Variants in SP110 observed in about 807,000 individuals in gnomAD.
SP110 encodes the protein SP110 nuclear body protein.
A neutral mutation model predicts 92.7 loss-of-function variants in SP110; 62 were observed. That is an observed-to-expected ratio of 0.67 (90% CI 0.55 to 0.83). The LOEUF (loss-of-function observed/expected upper bound fraction) is 0.83. Ranked by LOEUF, SP110 falls within the 40% of genes least tolerant of loss-of-function variation. The pLI, the probability that SP110 is intolerant of heterozygous loss-of-function variation, is 0.00. For synonymous variants in SP110, 273 were observed against 305.3 expected, an observed-to-expected ratio of 0.89 and a Z score of 1.10; for missense variants, 793 against 863.9, an observed-to-expected ratio of 0.92 and a Z score of 1.03.
chr2:230,200,957 C>T lies in SP110; in HGVS notation c.1057G>A (p.Asp353Asn), dbSNP rs1419057925. The change falls in exon 10 of 19, where the codon GAT becomes AAT. Residue 353 changes from aspartate (D) to asparagine (N), a missense_variant. Asp to Asn is a conservative substitution (Grantham distance 23, BLOSUM62 1). Transcript: ENST00000258381. ...CCTTCATTCATTTCTGAAGTGCCAT[C>T]AATGATCTCTGGAAAATGAAAGATC... is the stretch of plus-strand genomic sequence containing the variant. ...ARKSRSEEII[D>N]GTSEMNEGKR... 1 of 1,612,760 alleles carries T rather than the reference C, an allele frequency of 6.2e-7. No homozygotes were observed. The highest frequency in any genetic ancestry group is 1.1e-5 in the South Asian group (1 of 91,058).
At chr2:230,206,852 C>G (rs533441986) in intron 8 of SP110, among the ~76,000 whole-genome samples, 1 of 152,078 alleles carries the variant, frequency 6.6e-6, no homozygotes, top group Non-Finnish European at 1.5e-5. Context: ...GTTAATTACT[C>G]TGATCTAGAG....
At position 230,170,778 on chromosome 2, in the gene SP110, C is replaced by T; in HGVS notation, c.1888-17G>A. On this transcript the variant is annotated splice_polypyrimidine_tract_variant and intron_variant, in intron 17 of 18. Transcript: ENST00000258381. ...ATCTCGAATCTTGGGGACAAAGCCACCAGAGGTGACGTTAGCACAGCTGTC... is the reference window on the plus strand; with the variant it reads ...ATCTCGAATCTTGGGGACAAAGCCATCAGAGGTGACGTTAGCACAGCTGTC... 1 of 1,613,828 alleles carries T rather than the reference C, an allele frequency of 6.2e-7. No individual in the cohort carries two copies.
At chr2:230,221,281 GAAAA>G (rs113981247), upstream of SP110, among the ~76,000 whole-genome samples, 1 of 82,662 alleles carries the variant, frequency 1.2e-5, no homozygotes, top group African/African-American at 4.5e-5. Flanking sequence ...ACTCCATCTC[GAAAA>G]AAAAAAAAAA....
At position 230,168,122 on chromosome 2, in the gene SP110, A is replaced by AT. The variant is rs1373285121; in HGVS notation, c.*1001_*1002insA. ...AGACTCTGTCTCAAAAAAAAAAAAA[A>AT]AAAAAAAAAAAGAAAAAGTGGGCAA... On this transcript the variant is annotated 3_prime_UTR_variant, in exon 19 of 19. Transcript: ENST00000258381. 1.5e-5 allele frequency: 2 copies of AT among 135,242 alleles called. No individual in the cohort carries two copies. Among genetic ancestry groups the AT allele is most frequent in the African/African-American group, 5.6e-5 (2 of 35,896 alleles). The allele number at this position is 135,242 out of a possible 1,614,324, so 8.4% of individuals were successfully genotyped here.
At chr2:230,204,711 C>G (rs747790828) in intron 8 of SP110, among the ~76,000 whole-genome samples, 3 of 151,880 alleles carry the variant, frequency 2.0e-5, no homozygotes, top group Non-Finnish European at 4.4e-5. Context: ...GTATTTGGAA[C>G]CTTCCAAAAG....
intron 14 of SP110, among the ~76,000 whole-genome samples, chr2:230,176,101 G>A (rs1295575724): frequency 2.0e-5 from 3 of 151,448 alleles, no homozygotes; most frequent in African/African-American, 7.3e-5. Context: ...ATGCCACCAT[G>A]CCTGGCTAAT....
chr2:230,201,048 C>T, intron 9 of SP110, 83 bp from the exon 10 acceptor site: 1 of 1,069,518 alleles, frequency 9.4e-7, no homozygotes, highest in Non-Finnish European at 1.5e-6. Context: ...CCCTTGCACA[C>T]TCTGAAGTTG....
Position 230,172,830 on chromosome 2 carries a change from T to C in SP110, c.1706+14A>G. ...GAGTGCTGTGTGCCCGAGGCGGGGC[T>C]GCATCCCACTCACCTCTTGGCTTCC... On this transcript the variant is annotated intron_variant, in intron 15 of 18. Transcript: ENST00000258381. 6.4e-7 allele frequency: 1 copy of C among 1,551,334 alleles called. No homozygotes were observed. The highest frequency in any genetic ancestry group is 1.7e-4 in the Middle Eastern group (1 of 5,926).
intron 11 of SP110, among the ~76,000 whole-genome samples, chr2:230,185,011 A>T (rs2042292042): frequency 6.6e-6 from 1 of 152,216 alleles, no homozygotes; most frequent in African/African-American, 2.4e-5. Context: ...AGAGTCGAGT[A>T]GTTGCATCTT....
intron 10 of SP110, among the ~76,000 whole-genome samples, chr2:230,189,478 T>C (rs2042508904): frequency 6.6e-6 from 1 of 152,234 alleles, no homozygotes; most frequent in South Asian, 2.1e-4. Context: ...AATTTCCATT[T>C]ATTTGTTATG....
At chr2:230,170,918 A>C in intron 17 of SP110, 157 bp from the exon 18 acceptor site, 2 of 718,480 alleles carry the variant, frequency 2.8e-6, no homozygotes, top group Non-Finnish European at 4.9e-6. Flanking sequence ...AGATAAACTA[A>C]ATTCTAAGCC....
upstream of SP110, among the ~76,000 whole-genome samples, chr2:230,223,298 G>A (rs372911955): frequency 3.4e-4 from 52 of 152,292 alleles, no homozygotes; most frequent in African/African-American, 1.0e-3. Flanking sequence ...GCCTCCCGAA[G>A]TGCTGGGGTT....
rs1044002114 is a variant in SP110, at chr2:230,211,838, G to C, written c.668-285C>G. ...GGATCGAAGAGGACCCCTCTTCTCAGTACTGGAGAGCTCAGAATCCATGGT... is the reference window on the plus strand; with the variant it reads ...GGATCGAAGAGGACCCCTCTTCTCACTACTGGAGAGCTCAGAATCCATGGT... On this transcript the variant is annotated intron_variant, in intron 5 of 18. Transcript: ENST00000258381. The surrounding 1 kb of genome is among the most constrained non-coding windows in gnomAD (Gnocchi z 4.2). 6.6e-6 allele frequency among the ~76,000 whole-genome samples: 1 copy of C among 152,158 alleles called. No individual in the cohort carries two copies. Among genetic ancestry groups the C allele is most frequent in the Non-Finnish European group, 1.5e-5 (1 of 68,012 alleles).
chr2:230,165,598 A>G lies in SP110; in HGVS notation c.*3526T>C, dbSNP rs1347679467. Among the ~76,000 whole-genome samples the G allele has an allele frequency of 6.6e-6, 1 of 152,208 alleles. No individual in the cohort carries two copies. The highest frequency in any genetic ancestry group is 1.5e-5 in the Non-Finnish European group (1 of 68,036). On this transcript the variant is annotated 3_prime_UTR_variant, in exon 19 of 19. Transcript: ENST00000258381. ...GAGTAAAAGCAAAAAAATTAATACTAATTCATGTCTGTATTTCAAGAGAGT... is the reference window on the plus strand; with the variant it reads ...GAGTAAAAGCAAAAAAATTAATACTGATTCATGTCTGTATTTCAAGAGAGT...
At chr2:230,225,623 G>A (rs527791816) in exon 1 of SP110, 55 of 596,694 alleles carry the variant, frequency 9.2e-5, no homozygotes, top group African/African-American at 7.4e-4. Flanking sequence ...CCGTGGCCTC[G>A]TGGGGCTGGC....
intron 9 of SP110, 98 bp from the exon 10 acceptor site, chr2:230,201,063 T>C: frequency 2.2e-6 from 2 of 922,704 alleles, no homozygotes; most frequent in Non-Finnish European, 3.6e-6. Context: ...AAGTTGAGTC[T>C]TGGAGGCTCC....
At chr2:230,199,205 CTTTTTTTTTT>C in intron 10 of SP110, among the ~76,000 whole-genome samples, 1 of 89,448 alleles carries the variant, frequency 1.1e-5, no homozygotes, top group East Asian at 3.8e-4. Context: ...ACATAATCCT[CTTTTTTTTTT>C]TTTTTTTTTT....
chr2:230,200,479 TG>T (rs1351324009), intron 10 of SP110: 1 of 199,096 alleles, frequency 5.0e-6, no homozygotes, highest in African/African-American at 2.4e-5. Flanking sequence ...ATGAGAAATA[TG>T]GAGATTGGAA....
intron 16 of SP110, 76 bp downstream of exon 16, chr2:230,171,975 TCCCTTTGGTACATTG>T (rs1560522041): frequency 1.9e-5 from 17 of 885,686 alleles, no homozygotes; most frequent in Non-Finnish European, 2.3e-5. Flanking sequence ...CATTGAAGGC[TCCCTTTGGTACATTG>T]CCCTGACCCT....
Sources: allele counts gnomAD v4.1 joint callset (sites outside exome capture counted in the v4.1 genomes callset), GRCh38; gene constraint gnomAD v4.1.1; non-coding constraint Gnocchi (gnomAD v3.1); transcripts MANE v1.5; gene names NCBI Gene and HGNC (gene_info 2026-07-23, HGNC 2026-07-21).